Variants in ARHGAP20 observed in about 807,000 individuals in gnomAD.
ARHGAP20 encodes rho GTPase-activating protein 20.
A neutral mutation model predicts 73.7 loss-of-function variants in ARHGAP20; 34 were observed. That is an observed-to-expected ratio of 0.46 (90% CI 0.35 to 0.61). The LOEUF (loss-of-function observed/expected upper bound fraction) is 0.61. Ranked by LOEUF, ARHGAP20 falls within the 20% of genes least tolerant of loss-of-function variation. ARHGAP20 has a pLI of 0.00. For missense variants in ARHGAP20, 1,314 were observed against 1,420.9 expected (o/e 0.92, Z 1.21); for synonymous variants, 523 against 518.2 (o/e 1.01, Z -0.13).
intron 2 of ARHGAP20, among the ~76,000 whole-genome samples, chr11:110,640,876 C>T (rs4938208): frequency 0.33 from 49,503 of 151,686 alleles, 8,558 homozygotes; most frequent in African/African-American, 0.44. Context: ...ACGTTGTGCA[C>T]ATGTACCCTA....
intron 11 of ARHGAP20, chr11:110,589,363 T>C: frequency 1.0e-6 from 1 of 978,584 alleles, no homozygotes; most frequent in East Asian, 1.1e-4. Flanking sequence ...CAGATATGGC[T>C]TATTTATCCA....
At chr11:110,582,057 C>G (rs1276705850) in intron 14 of ARHGAP20, among the ~76,000 whole-genome samples, 4 of 151,996 alleles carry the variant, frequency 2.6e-5, no homozygotes, top group Non-Finnish European at 5.9e-5. Context: ...CAAAAAACAT[C>G]ATACCACAGC....
chr11:110,702,934 A>T (rs1227426974), intron 1 of ARHGAP20, among the ~76,000 whole-genome samples: 3 of 152,208 alleles, frequency 2.0e-5, no homozygotes, highest in Non-Finnish European at 4.4e-5. Context: ...AGGAAGAATC[A>T]ATATCATGAA....
intron 1 of ARHGAP20, among the ~76,000 whole-genome samples, chr11:110,706,243 T>C (rs1001381755): frequency 1.8e-4 from 27 of 152,124 alleles, no homozygotes; most frequent in African/African-American, 6.0e-4. Flanking sequence ...GATAGTCTCG[T>C]TGAAAAGAGA....
intron 2 of ARHGAP20, among the ~76,000 whole-genome samples, chr11:110,631,287 C>T (rs775188913): frequency 4.0e-4 from 61 of 152,098 alleles, no homozygotes; most frequent in Admixed American, 6.6e-4. Flanking sequence ...TAATCTAAGC[C>T]TCTAACAAGA....
At chr11:110,618,773 A>ATC (rs1491373383) in intron 4 of ARHGAP20, among the ~76,000 whole-genome samples, 1 of 91,212 alleles carries the variant, frequency 1.1e-5, no homozygotes, top group Non-Finnish European at 2.3e-5. Context: ...ATGTAGTGAT[A>ATC]GAGTGTATGC....
intron 9 of ARHGAP20, among the ~76,000 whole-genome samples, chr11:110,605,465 C>T (rs1463823649): frequency 1.3e-5 from 2 of 152,090 alleles, no homozygotes; most frequent in African/African-American, 4.8e-5. Flanking sequence ...ACTTTAAATG[C>T]ATTAGAGAAG....
intron 2 of ARHGAP20, among the ~76,000 whole-genome samples, chr11:110,686,654 G>C (rs1359524719): frequency 2.0e-5 from 3 of 151,886 alleles, no homozygotes; most frequent in Non-Finnish European, 4.4e-5. Flanking sequence ...ATAGATAACA[G>C]TATTATATTC....
intron 2 of ARHGAP20, among the ~76,000 whole-genome samples, chr11:110,684,683 G>A (rs1437863785): frequency 6.6e-6 from 1 of 151,970 alleles, no homozygotes; most frequent in Non-Finnish European, 1.5e-5. Context: ...TATCAACAGT[G>A]GATTAGATAA....
At chr11:110,636,784 C>T (rs1365690175) in intron 2 of ARHGAP20, among the ~76,000 whole-genome samples, 6 of 151,838 alleles carry the variant, frequency 4.0e-5, no homozygotes, top group African/African-American at 1.2e-4. Context: ...TAAAGTCTCC[C>T]ATTTAAAAAT....
chr11:110,600,654 T>C (rs1716955474), intron 9 of ARHGAP20, among the ~76,000 whole-genome samples: 2 of 152,214 alleles, frequency 1.3e-5, no homozygotes, highest in African/African-American at 4.8e-5. Context: ...CCACAGAGAT[T>C]TCTGGCCAGA....
intron 1 of ARHGAP20, among the ~76,000 whole-genome samples, chr11:110,705,916 C>T (rs1395709734): frequency 6.6e-6 from 1 of 152,142 alleles, no homozygotes; most frequent in Admixed American, 6.6e-5. Flanking sequence ...GCTAAGGGCT[C>T]TTGAAGTACA....
intron 1 of ARHGAP20, among the ~76,000 whole-genome samples, chr11:110,698,493 A>C (rs995092861): frequency 1.3e-5 from 2 of 151,778 alleles, no homozygotes; most frequent in Admixed American, 1.3e-4. Context: ...GGTAAGATTG[A>C]ATACCAGTTC....
intron 2 of ARHGAP20, among the ~76,000 whole-genome samples, chr11:110,686,498 T>C (rs1947305432): frequency 6.6e-6 from 1 of 152,186 alleles, no homozygotes; most frequent in African/African-American, 2.4e-5. Flanking sequence ...TGTTTTCTTT[T>C]ATAACAAATA....
At chr11:110,696,390 A>T (rs187327191) in intron 1 of ARHGAP20, among the ~76,000 whole-genome samples, 1 of 151,722 alleles carries the variant, frequency 6.6e-6, no homozygotes, top group Admixed American at 6.6e-5. Flanking sequence ...AGCCCAGCAA[A>T]CTGGTCCTTA....
intron 2 of ARHGAP20, among the ~76,000 whole-genome samples, chr11:110,677,390 AT>A (rs2135084061): frequency 6.6e-6 from 1 of 152,334 alleles, no homozygotes; most frequent in South Asian, 2.1e-4. Flanking sequence ...ATTGTGACCC[AT>A]TCCTGTAATC....
intron 9 of ARHGAP20, among the ~76,000 whole-genome samples, chr11:110,595,936 C>T (rs1487581249): frequency 2.6e-5 from 4 of 151,912 alleles, no homozygotes; most frequent in Non-Finnish European, 1.5e-5. Flanking sequence ...GTACTGGTAC[C>T]AAAACAGAGA....
At chr11:110,600,561 T>C (rs1218913024) in intron 9 of ARHGAP20, among the ~76,000 whole-genome samples, 3 of 152,180 alleles carry the variant, frequency 2.0e-5, no homozygotes, top group African/African-American at 7.2e-5. Flanking sequence ...AGGCCAGTAG[T>C]AAGAGCCAAG....
rs1158476843 is a variant in ARHGAP20 at position 110,595,206 on chromosome 11, T to C, written c.965-3051A>G. Among the ~76,000 whole-genome samples, 6 of 151,972 alleles carry C rather than the reference T, an allele frequency of 3.9e-5. No homozygotes were observed. The East Asian group carries it at 1.2e-3, about 29-fold the overall frequency. On this transcript the variant is annotated intron_variant, in intron 9 of 14. Transcript: ENST00000683387. ...AATATCATACTGAATGGGCAAAAAC[T>C]GGAAGCATTCACTTTGAAAACTGGC...
Sources: allele counts gnomAD v4.1 joint callset (sites outside exome capture counted in the v4.1 genomes callset), GRCh38; gene constraint gnomAD v4.1.1; transcripts MANE v1.5; gene names NCBI Gene and HGNC (gene_info 2026-07-23, HGNC 2026-07-21).